The following FABP7 variants were observed in gnomAD, a reference collection of about 807,000 sequenced individuals.
FABP7 encodes the protein fatty acid-binding protein, brain.
FABP7 carries 13 observed loss-of-function variants against 14.2 expected under a neutral mutation model. That is an observed-to-expected ratio of 0.91 (90% CI 0.59 to 1.45). FABP7 has a LOEUF of 1.45. FABP7 is among the 40% of genes most tolerant of loss of function. FABP7 has a pLI of 0.00. For missense variants in FABP7, 149 were observed against 157.6 expected (o/e 0.95, Z 0.29); for synonymous variants, 49 against 51.4 (o/e 0.95, Z 0.20).
chr6:122,772,109 C>G, the FABP7 span, among the ~76,000 whole-genome samples: 1 of 152,108 alleles, frequency 6.6e-6, no homozygotes, highest in South Asian at 2.1e-4. Context: ...GGGGTTTTGA[C>G]CCAGTTTTCC....
chr6:122,771,299 A>G, the FABP7 span, among the ~76,000 whole-genome samples: 1 of 152,154 alleles, frequency 6.6e-6, no homozygotes, highest in Non-Finnish European at 1.5e-5. Context: ...GTAAGCATCT[A>G]ATTCCCTATA....
chr6:122,780,974 A>G (rs1780766636), intron 2 of FABP7, 119 bp from the exon 3 acceptor site: 1 of 1,198,240 alleles, frequency 8.3e-7, no homozygotes, highest in Non-Finnish European at 1.1e-6. Flanking sequence ...TAACAATAGG[A>G]TAATTAACTG....
chr6:122,774,589 G>A, the FABP7 span, among the ~76,000 whole-genome samples: 1 of 151,954 alleles, frequency 6.6e-6, no homozygotes, highest in Non-Finnish European at 1.5e-5. Flanking sequence ...AGTCAAAAAT[G>A]TCAGTATATG....
Position 122,780,279 on chromosome 6 carries a change from T to A in FABP7, c.74-12T>A, listed in dbSNP as rs146195242. On this transcript the variant is annotated splice_polypyrimidine_tract_variant and intron_variant, in intron 1 of 3. Transcript: ENST00000368444. ...GTCGCTGCAGACTGTACTGTTCCCT[T>A]TGCTATTTTAGGCGTGGGCTTTGCC... is the stretch of plus-strand genomic sequence containing the variant. The A allele has an allele frequency of 2.5e-6, 4 of 1,613,944 alleles. No individual in the cohort carries two copies. The East Asian group carries it at 6.7e-5, about 27-fold the overall frequency.
At position 122,780,271 on chromosome 6, in the gene FABP7, T is replaced by A; in HGVS notation, c.74-20T>A. On this transcript the variant is annotated intron_variant, in intron 1 of 3. Coordinates refer to ENST00000368444, the MANE Select transcript of FABP7 (RefSeq NM_001446.5). ...TTTTGGAAGTCGCTGCAGACTGTACTGTTCCCTTTGCTATTTTAGGCGTGG... is the reference window on the plus strand; with the variant it reads ...TTTTGGAAGTCGCTGCAGACTGTACAGTTCCCTTTGCTATTTTAGGCGTGG... 4 of 1,613,820 alleles carry A rather than the reference T, an allele frequency of 2.5e-6. 1 individual carries two copies. The highest frequency in any genetic ancestry group is 2.2e-5 in the South Asian group (2 of 90,984).
chr6:122,771,233 TTC>T, the FABP7 span, among the ~76,000 whole-genome samples: 1 of 152,144 alleles, frequency 6.6e-6, no homozygotes, highest in Non-Finnish European at 1.5e-5. Context: ...TCTGGGAGTA[TTC>T]CTGAAAGCTT....
the FABP7 span, among the ~76,000 whole-genome samples, chr6:122,749,240 A>G: frequency 2.6e-5 from 4 of 152,182 alleles, no homozygotes; most frequent in African/African-American, 9.7e-5. Flanking sequence ...ATAAGACAAT[A>G]TGAGGGGTGG....
At chr6:122,770,734 A>C in the FABP7 span, among the ~76,000 whole-genome samples, 1 of 152,260 alleles carries the variant, frequency 6.6e-6, no homozygotes, top group African/African-American at 2.4e-5. Context: ...CCAGTTTTAG[A>C]TACTACTACT....
the FABP7 span, among the ~76,000 whole-genome samples, chr6:122,758,506 A>C: frequency 6.6e-6 from 1 of 152,202 alleles, no homozygotes; most frequent in Non-Finnish European, 1.5e-5. Flanking sequence ...TTCTATTCCT[A>C]GTGCAAGTTC....
the FABP7 span, among the ~76,000 whole-genome samples, chr6:122,772,528 AT>A: frequency 1.3e-5 from 2 of 152,156 alleles, no homozygotes; most frequent in East Asian, 3.9e-4. Context: ...AGCAATTCTC[AT>A]GCCTCAGCCA....
upstream of FABP7, among the ~76,000 whole-genome samples, chr6:122,778,542 C>T (rs1170584278): frequency 6.6e-6 from 1 of 152,146 alleles, no homozygotes; most frequent in African/African-American, 2.4e-5. Context: ...AATATCAAGT[C>T]GGATTCTCCT....
chr6:122,761,201 T>C, the FABP7 span, among the ~76,000 whole-genome samples: 27 of 152,194 alleles, frequency 1.8e-4, no homozygotes, highest in Admixed American at 6.5e-4. Context: ...GCAAGGTGAC[T>C]GTTAACATAC....
chr6:122,749,224 T>G, the FABP7 span, among the ~76,000 whole-genome samples: 1 of 152,124 alleles, frequency 6.6e-6, no homozygotes. Context: ...GAGGCAAAAA[T>G]TGGGTATAAG....
the FABP7 span, among the ~76,000 whole-genome samples, chr6:122,756,737 A>G: frequency 6.6e-6 from 1 of 152,242 alleles, no homozygotes; most frequent in Non-Finnish European, 1.5e-5. Flanking sequence ...CATCAAAGTC[A>G]TCAATGACTA....
At chr6:122,753,782 C>CCG in the FABP7 span, among the ~76,000 whole-genome samples, 2 of 76,298 alleles carry the variant, frequency 2.6e-5, no homozygotes, top group South Asian at 5.1e-4. Flanking sequence ...GGTCCAAATC[C>CCG]CGCCCCCCCC....
At chr6:122,759,894 T>C in the FABP7 span, among the ~76,000 whole-genome samples, 2 of 151,334 alleles carry the variant, frequency 1.3e-5, no homozygotes, top group Non-Finnish European at 2.9e-5. Flanking sequence ...GGCCAGGGGG[T>C]CAGATCACAA....
the FABP7 span, among the ~76,000 whole-genome samples, chr6:122,762,756 C>T: frequency 6.6e-6 from 1 of 152,266 alleles, no homozygotes; most frequent in Admixed American, 6.5e-5. Context: ...AACAGACAAA[C>T]AGAGAGCCAA....
rs779545285 is a variant in FABP7, at chr6:122,779,885, C to T, written c.73+18C>T. 2.5e-6 allele frequency: 4 copies of T among 1,609,530 alleles called. No individual in the cohort carries two copies. Among genetic ancestry groups the T allele is most frequent in the Non-Finnish European group, 3.4e-6 (4 of 1,176,130 alleles). On this transcript the variant is annotated intron_variant, in intron 1 of 3. Coordinates refer to ENST00000368444, the MANE Select transcript of FABP7 (RefSeq NM_001446.5). ...GGCTCTAGGTAGGTAACAATAAGAC[C>T]GGCTGTTCTCTTCTCAACGTGCAGC...
chr6:122,755,355 G>A, the FABP7 span, among the ~76,000 whole-genome samples: 1 of 151,108 alleles, frequency 6.6e-6, no homozygotes, highest in Non-Finnish European at 1.5e-5. Flanking sequence ...AATATAGTAT[G>A]AACTATTATA....
Sources: allele counts gnomAD v4.1 joint callset (sites outside exome capture counted in the v4.1 genomes callset), GRCh38; gene constraint gnomAD v4.1.1; transcripts MANE v1.5; gene names NCBI Gene and HGNC (gene_info 2026-07-23, HGNC 2026-07-21).